The following FHIT variants were observed in gnomAD, a reference collection of about 807,000 sequenced individuals.
FHIT encodes the protein bis(5'-adenosyl)-triphosphatase.
A neutral mutation model predicts 17.9 loss-of-function variants in FHIT; 19 were observed. The ratio of observed to expected loss-of-function variants is 1.06; its 90% confidence interval spans 0.74 to 1.56. FHIT has a LOEUF of 1.56. Among genes scored for constraint, FHIT ranks in the 40% most tolerant of loss-of-function variants. FHIT has a pLI of 0.00. For synonymous variants in FHIT, 81 were observed against 69.7 expected (o/e 1.16, Z -0.81); for missense variants, 248 against 189.2 (o/e 1.31, Z -1.82).
chr3:60,824,331 T>G (rs1702039430), intron 3 of FHIT, among the ~76,000 whole-genome samples: 1 of 152,188 alleles, frequency 6.6e-6, no homozygotes, highest in South Asian at 2.1e-4. Context: ...TACGCCTGAC[T>G]TCTTGATAGT....
chr3:61,076,275 A>G (rs1364662442), intron 2 of FHIT, among the ~76,000 whole-genome samples: 1 of 152,200 alleles, frequency 6.6e-6, no homozygotes, highest in Non-Finnish European at 1.5e-5. Flanking sequence ...TAGAGAAAAT[A>G]AGCCTCCAGA....
At chr3:61,043,397 G>C (rs1008860148) in intron 2 of FHIT, among the ~76,000 whole-genome samples, 3 of 152,168 alleles carry the variant, frequency 2.0e-5, no homozygotes, top group African/African-American at 4.8e-5. Context: ...GTCTGAGATC[G>C]AACTGCAAAG....
At chr3:60,830,424 T>C (rs868968233) in intron 3 of FHIT, among the ~76,000 whole-genome samples, 2 of 151,638 alleles carry the variant, frequency 1.3e-5, no homozygotes, top group South Asian at 4.2e-4. Flanking sequence ...AAGAAGAGAG[T>C]GGTAAGTGAA....
At chr3:60,956,324 C>A (rs1709157586) in intron 3 of FHIT, among the ~76,000 whole-genome samples, 1 of 152,168 alleles carries the variant, frequency 6.6e-6, no homozygotes, top group Non-Finnish European at 1.5e-5. Context: ...CATAGGATAG[C>A]AAGTACAGCC....
chr3:59,768,266 C>T (rs1343638961), intron 8 of FHIT, among the ~76,000 whole-genome samples: 1 of 152,212 alleles, frequency 6.6e-6, no homozygotes, highest in Non-Finnish European at 1.5e-5. Flanking sequence ...ACATCAAATG[C>T]TCTGGTCCTG....
chr3:60,243,418 G>T (rs1358590734), intron 5 of FHIT, among the ~76,000 whole-genome samples: 1 of 152,098 alleles, frequency 6.6e-6, no homozygotes, highest in African/African-American at 2.4e-5. Context: ...TGACAAATTA[G>T]TATTGTCAAG....
intron 5 of FHIT, among the ~76,000 whole-genome samples, chr3:60,092,376 A>T (rs1374946405): frequency 2.6e-5 from 4 of 152,176 alleles, no homozygotes; most frequent in African/African-American, 7.2e-5. Flanking sequence ...AGAAATAATG[A>T]TCTGTTGCAA....
intron 4 of FHIT, among the ~76,000 whole-genome samples, chr3:60,550,611 A>ATTT (rs5849376): frequency 7.2e-6 from 1 of 138,432 alleles, no homozygotes; most frequent in Non-Finnish European, 1.6e-5. Flanking sequence ...CTGTTCTGTC[A>ATTT]TTTTTTTTTT....
chr3:60,052,669 C>T (rs1482950067), intron 5 of FHIT, among the ~76,000 whole-genome samples: 1 of 151,514 alleles, frequency 6.6e-6, no homozygotes, highest in Non-Finnish European at 1.5e-5. Flanking sequence ...AAACAGGAAT[C>T]AGATCACTGT....
intron 5 of FHIT, among the ~76,000 whole-genome samples, chr3:60,117,712 G>A (rs1034844330): frequency 2.0e-5 from 3 of 152,118 alleles, no homozygotes; most frequent in Non-Finnish European, 2.9e-5. Context: ...CGCAGAGAAT[G>A]CAGATGAGCT....
intron 5 of FHIT, among the ~76,000 whole-genome samples, chr3:60,333,685 T>A (rs186273772): frequency 2.7e-4 from 41 of 152,304 alleles, no homozygotes; most frequent in African/African-American, 9.4e-4. Context: ...AATTGTCCCA[T>A]AGAGCTAATG....
intron 2 of FHIT, among the ~76,000 whole-genome samples, chr3:61,049,040 G>T (rs1366406473): frequency 6.6e-6 from 1 of 151,868 alleles, no homozygotes; most frequent in Non-Finnish European, 1.5e-5. Flanking sequence ...ATGAGTTAAT[G>T]GGTGCAGCAC....
intron 3 of FHIT, among the ~76,000 whole-genome samples, chr3:61,006,779 C>T (rs1038654302): frequency 6.6e-6 from 1 of 152,016 alleles, no homozygotes; most frequent in Admixed American, 6.6e-5. Flanking sequence ...AATAAAGCAT[C>T]TTTACTCCAT....
At chr3:60,391,619 C>T (rs779594025) in intron 5 of FHIT, among the ~76,000 whole-genome samples, 1 of 152,156 alleles carries the variant, frequency 6.6e-6, no homozygotes, top group Non-Finnish European at 1.5e-5. Flanking sequence ...TACACAAATA[C>T]TTACCATTGT....
intron 3 of FHIT, among the ~76,000 whole-genome samples, chr3:60,930,574 C>T (rs1553771444): frequency 6.6e-6 from 1 of 152,128 alleles, no homozygotes; most frequent in Non-Finnish European, 1.5e-5. Flanking sequence ...AGACACTTCT[C>T]AAAGGAAGAC....
chr3:61,081,386 A>G (rs1276670117), intron 2 of FHIT, among the ~76,000 whole-genome samples: 4 of 152,192 alleles, frequency 2.6e-5, no homozygotes, highest in Middle Eastern at 3.2e-3. Flanking sequence ...CTAACTGGTC[A>G]AGGAGATTTA....
chr3:60,600,671 T>C (rs909176034), intron 4 of FHIT, among the ~76,000 whole-genome samples: 2 of 152,132 alleles, frequency 1.3e-5, no homozygotes, highest in Non-Finnish European at 2.9e-5. Flanking sequence ...TAGACAGATT[T>C]CTGAAGTTTC....
At chr3:61,008,935 C>T (rs904904116) in intron 3 of FHIT, among the ~76,000 whole-genome samples, 4 of 151,960 alleles carry the variant, frequency 2.6e-5, no homozygotes, top group Non-Finnish European at 5.9e-5. Context: ...GGCAGCTAAC[C>T]GCCTCAGTAA....
intron 5 of FHIT, among the ~76,000 whole-genome samples, chr3:60,262,116 C>T (rs767342640): frequency 4.0e-5 from 6 of 151,892 alleles, no homozygotes; most frequent in Non-Finnish European, 5.9e-5. Flanking sequence ...TGTTTTTCTC[C>T]GGTTAATCTG....
Sources: allele counts gnomAD v4.1 joint callset (sites outside exome capture counted in the v4.1 genomes callset), GRCh38; gene constraint gnomAD v4.1.1; transcripts MANE v1.5; gene names NCBI Gene and HGNC (gene_info 2026-07-23, HGNC 2026-07-21).